Variants in PRR12 observed in about 807,000 individuals in gnomAD.
The protein encoded by PRR12 is proline rich 12.
PRR12 carries 12 observed loss-of-function variants against 138.0 expected under a neutral mutation model. The observed-to-expected ratio is 0.09, with a 90% CI of 0.06 to 0.14. PRR12 has a LOEUF of 0.14. Among genes scored for constraint, PRR12 ranks in the 10% least tolerant of loss-of-function variants. The pLI, the probability that PRR12 is intolerant of heterozygous loss-of-function variation, is 1.00. For synonymous variants in PRR12, 1,567 were observed against 1,291.7 expected (o/e 1.21, Z -4.57); for missense variants, 2,692 against 2,861.3 (o/e 0.94, Z 1.35).
Position 49,597,277 on chromosome 19 carries a change from C to G in PRR12, c.2942C>G (p.Pro981Arg). 2 of 1,564,514 alleles carry G rather than the reference C, an allele frequency of 1.3e-6. No individual in the cohort carries two copies. The highest frequency in any genetic ancestry group is 1.7e-6 in the Non-Finnish European group (2 of 1,156,376). Reference protein sequence around the residue: ...EGDPKAGAGPPPGPPAYDPYG... With the variant: ...EGDPKAGAGPRPGPPAYDPYG... ...GACCCCAAGGCTGGCGCTGGGCCAC[C>G]CCCCGGCCCCCCTGCTTATGATCCC... Residue 981 changes from proline to arginine, a missense_variant, in exon 4 of 14, where the codon CCC becomes CGC. Coordinates refer to ENST00000418929, the MANE Select transcript of PRR12 (RefSeq NM_020719.3). The surrounding 1 kb of genome is among the most constrained non-coding windows in gnomAD (Gnocchi z 6.3).
intron 4 of PRR12, among the ~76,000 whole-genome samples, chr19:49,598,861 T>G (rs943729136): frequency 2.0e-5 from 3 of 152,112 alleles, no homozygotes; most frequent in Non-Finnish European, 4.4e-5. Flanking sequence ...GGCAGGAGGT[T>G]GGAGCTTACG....
In PRR12 at chr19:49,596,716, T is replaced by G; in HGVS notation, c.2381T>G (p.Leu794Arg). 6.2e-7 allele frequency: 1 copy of G among 1,605,582 alleles called. No homozygotes were observed. The highest frequency in any genetic ancestry group is 8.5e-7 in the Non-Finnish European group (1 of 1,178,976). Reference sequence around the variant, plus strand: ...GGGGGCCCTGACCTCCCACTGGTGCTGCCTCCGCCTCCCCCCCAGCTGCTC... The same window carrying G: ...GGGGGCCCTGACCTCCCACTGGTGCGGCCTCCGCCTCCCCCCCAGCTGCTC... ...EAGGPDLPLVLPPPPPQLLPS... is the reference protein window; with the variant it reads ...EAGGPDLPLVRPPPPPQLLPS... Residue 794 changes from leucine to arginine, a missense_variant, in exon 4 of 14, where the codon CTG becomes CGG. Physicochemically the swap from Leu to Arg is moderately radical, Grantham distance 102 (BLOSUM62 -2). Coordinates refer to ENST00000418929, the MANE Select transcript of PRR12 (RefSeq NM_020719.3). This position sits in a 1 kb window ranked among gnomAD's most constrained non-coding sequence, Gnocchi z 5.6.
At chr19:49,624,671 C>T (rs1374247611) in intron 11 of PRR12, among the ~76,000 whole-genome samples, 173 bp from the exon 12 acceptor site, 2 of 151,954 alleles carry the variant, frequency 1.3e-5, no homozygotes, top group Admixed American at 6.6e-5. Flanking sequence ...CCAGAAGGCA[C>T]AGTGGAAGCA....
chr19:49,621,628 T>A lies in PRR12; in HGVS notation c.5721+6T>A. 3.8e-6 allele frequency: 6 copies of A among 1,579,750 alleles called. No homozygotes were observed. The stretch of plus-strand genomic sequence containing the variant: ...CGCTAAGCCCAGCCCTGCAGGTGCC[T>A]GGGGGTCTGGGCAGGGGGTGTCTGG... On this transcript the variant is annotated splice_donor_region_variant and intron_variant, in intron 11 of 13. Transcript: ENST00000418929.
In PRR12 at chr19:49,601,664, C is replaced by T. The variant is rs2122316957; in HGVS notation, c.4519C>T (p.Pro1507Ser). Reference sequence around the variant, plus strand: ...ACCGCCGCTGCCGCCGCCACCTCCACCAGCCATGCCCTCGCCTCCACCACC... The same window carrying T: ...ACCGCCGCTGCCGCCGCCACCTCCATCAGCCATGCCCTCGCCTCCACCACC... ...PPPPLPPPPP[P>S]AMPSPPPPPP... The change falls in exon 6 of 14, where the codon CCA becomes TCA. Residue 1507 changes from proline (P) to serine (S), a missense_variant. This residue lies in a region of PRR12 where 231 missense variants were observed against 200.8 expected (regional missense o/e 1.15). Coordinates refer to ENST00000418929, the MANE Select transcript of PRR12 (RefSeq NM_020719.3). The T allele has an allele frequency of 6.5e-7, 1 of 1,538,246 alleles. No individual in the cohort carries two copies. Among genetic ancestry groups the T allele is most frequent in the Non-Finnish European group, 8.7e-7 (1 of 1,145,704 alleles).
At chr19:49,615,183 A>C (rs975916510) in intron 8 of PRR12, among the ~76,000 whole-genome samples, 174 bp downstream of exon 8, 2 of 140,218 alleles carry the variant, frequency 1.4e-5, no homozygotes, top group African/African-American at 2.7e-5. Context: ...GACCCAGAGA[A>C]GGGGGGATAG....
intron 6 of PRR12, among the ~76,000 whole-genome samples, chr19:49,613,177 A>G (rs1347385152): frequency 2.0e-5 from 3 of 151,640 alleles, no homozygotes; most frequent in African/African-American, 4.8e-5. Flanking sequence ...TTCTCTACTA[A>G]AAATACAAAA....
At chr19:49,623,629 C>T (rs1188536433) in intron 11 of PRR12, among the ~76,000 whole-genome samples, 1 of 139,814 alleles carries the variant, frequency 7.2e-6, no homozygotes, top group Non-Finnish European at 1.5e-5. Context: ...GAGACTTTGT[C>T]TTAAAAAAAA....
In PRR12 at chr19:49,596,644, C is replaced by T. The variant is rs757745814; in HGVS notation, c.2309C>T (p.Thr770Met). ...LQKSPPPPPPTAQSTQPTPHG... is the reference protein window; with the variant it reads ...LQKSPPPPPPMAQSTQPTPHG... Reference sequence around the variant, plus strand: ...AAGAGCCCTCCGCCCCCACCTCCCACGGCCCAGTCTACCCAGCCCACTCCC... The same window carrying T: ...AAGAGCCCTCCGCCCCCACCTCCCATGGCCCAGTCTACCCAGCCCACTCCC... The change falls in exon 4 of 14, where the codon ACG becomes ATG. Residue 770 changes from threonine (T) to methionine (M), a missense_variant. Thr to Met is a moderately conservative substitution (Grantham distance 81). This residue lies in a region of PRR12 where 840 missense variants were observed against 689.8 expected (regional missense o/e 1.22). Transcript: ENST00000418929. The surrounding 1 kb of genome is among the most constrained non-coding windows in gnomAD (Gnocchi z 5.6). The T allele has an allele frequency of 6.0e-5, 96 of 1,597,586 alleles. No homozygotes were observed. In the Admixed American group the frequency reaches 1.2e-3, roughly 19 times the overall value.
At chr19:49,608,797 A>G (rs968611928) in intron 6 of PRR12, among the ~76,000 whole-genome samples, 4 of 151,678 alleles carry the variant, frequency 2.6e-5, no homozygotes, top group Middle Eastern at 3.4e-3. Flanking sequence ...CCATGATTAC[A>G]CCACTGCACT....
chr19:49,596,917 C>A lies in PRR12; in HGVS notation c.2582C>A (p.Pro861His). Residue 861 changes from proline to histidine, a missense_variant, in exon 4 of 14, where the codon CCC (proline) becomes CAC (histidine). By Grantham distance (77) the Pro-to-His change is moderately conservative. Coordinates refer to ENST00000418929, the MANE Select transcript of PRR12 (RefSeq NM_020719.3). The surrounding 1 kb of genome is among the most constrained non-coding windows in gnomAD (Gnocchi z 5.6). ...EAHLRSHGLE[P>H]AAPSPRLRPE... ...CACCTCCGCAGCCATGGCCTGGAGC[C>A]CGCGGCCCCCAGCCCCCGCCTGCGA... 6.4e-7 allele frequency: 1 copy of A among 1,550,826 alleles called. No homozygotes were observed. Among genetic ancestry groups the A allele is most frequent in the Non-Finnish European group, 8.7e-7 (1 of 1,154,922 alleles).
rs2080750745 is a variant in PRR12, at chr19:49,594,495, T to C, written c.241T>C (p.Ser81Pro). The C allele has an allele frequency of 6.2e-7, 1 of 1,612,804 alleles. No individual in the cohort carries two copies. Among genetic ancestry groups the C allele is most frequent in the African/African-American group, 1.3e-5 (1 of 74,774 alleles). Residue 81 changes from serine to proline, a missense_variant, in exon 3 of 14, where the codon TCA becomes CCA. Transcript: ENST00000418929. This position sits in a 1 kb window ranked among gnomAD's most constrained non-coding sequence, Gnocchi z 5.6. Reference protein sequence around the residue: ...LFDTGLHHAGSAGPDASVMNL... With the variant: ...LFDTGLHHAGPAGPDASVMNL... The stretch of plus-strand genomic sequence containing the variant: ...CGACACTGGCCTCCACCACGCGGGC[T>C]CAGCAGGGCCCGACGCCTCCGTCAT...
intron 4 of PRR12, among the ~76,000 whole-genome samples, chr19:49,598,419 G>A (rs2080790324): frequency 6.6e-6 from 1 of 152,060 alleles, no homozygotes; most frequent in South Asian, 2.1e-4. Flanking sequence ...GCCGCACCTT[G>A]GCATTTTTGG....
chr19:49,603,924 G>C (rs1304536256), intron 6 of PRR12, among the ~76,000 whole-genome samples: 1 of 151,870 alleles, frequency 6.6e-6, no homozygotes, highest in Admixed American at 6.6e-5. Context: ...GGGTTCAAGC[G>C]ATTCTCCTGC....
At position 49,595,917 on chromosome 19, in the gene PRR12, A is replaced by G. The variant is rs1289138575; in HGVS notation, c.1582A>G (p.Ser528Gly). 6.2e-7 allele frequency: 1 copy of G among 1,602,394 alleles called. No homozygotes were observed. The highest frequency in any genetic ancestry group is 1.7e-5 in the Admixed American group (1 of 59,966). The change falls in exon 4 of 14, where the codon AGC (serine) becomes GGC (glycine). Residue 528 changes from serine (S) to glycine (G), a missense_variant. Ser to Gly is a moderately conservative substitution (Grantham distance 56). Transcript: ENST00000418929. ...AAHSQGLPTA[S>G]PSLSYSTGHS... ...CCACTCCCAGGGGCTGCCCACAGCCAGCCCCTCGCTCAGCTACAGTACCGG... is the reference window on the plus strand; with the variant it reads ...CCACTCCCAGGGGCTGCCCACAGCCGGCCCCTCGCTCAGCTACAGTACCGG...
intron 11 of PRR12, 45 bp downstream of exon 11, chr19:49,621,667 C>A (rs1306842699): frequency 6.9e-7 from 1 of 1,458,186 alleles, no homozygotes; most frequent in Non-Finnish European, 9.4e-7. Flanking sequence ...CCAGGGTCCA[C>A]ATGGAGAAGA....
At position 49,595,785 on chromosome 19, in the gene PRR12, A is replaced by C. The variant is rs1377401954; in HGVS notation, c.1450A>C (p.Ser484Arg). ...CTCAGGGGGCCCCCCACAGCCCCCCAGCGGCCCCCCTCCTCCTGGCCTGGC... is the reference window on the plus strand; with the variant it reads ...CTCAGGGGGCCCCCCACAGCCCCCCCGCGGCCCCCCTCCTCCTGGCCTGGC... ...SYSGGPPQPPSGPPPPGLATC... is the reference protein window; with the variant it reads ...SYSGGPPQPPRGPPPPGLATC... The change falls in exon 4 of 14, where the codon AGC (serine) becomes CGC (arginine). Residue 484 changes from serine (S) to arginine (R), a missense_variant. This residue lies in a region of PRR12 where 523 missense variants were observed against 496.4 expected (regional missense o/e 1.05). Coordinates refer to ENST00000418929, the MANE Select transcript of PRR12 (RefSeq NM_020719.3). 4 of 1,595,996 alleles carry C rather than the reference A, an allele frequency of 2.5e-6. No homozygotes were observed. The African/African-American group carries it at 4.0e-5, about 16-fold the overall frequency.
In PRR12 at chr19:49,625,889, G is replaced by T. The variant is rs965494491; in HGVS notation, c.*282G>T. On this transcript the variant is annotated 3_prime_UTR_variant, in exon 14 of 14. Transcript: ENST00000418929. This position sits in a 1 kb window ranked among gnomAD's most constrained non-coding sequence, Gnocchi z 5.5. The stretch of plus-strand genomic sequence containing the variant: ...TTAGTAACGGTTTCCCTCTCCCCTT[G>T]CCCCGACCCCCCCTCCACAGCCACA... 8 of 238,950 alleles carry T rather than the reference G, an allele frequency of 3.3e-5. No homozygotes were observed. The highest frequency in any genetic ancestry group is 6.3e-5 in the Non-Finnish European group (8 of 127,202). The allele number at this position is 238,950 out of a possible 1,614,324, so 14.8% of individuals were successfully genotyped here.
At position 49,595,511 on chromosome 19, in the gene PRR12, CA is replaced by C; in HGVS notation, c.1179del (p.Gly394ValfsTer76). 1 of 1,565,100 alleles carries C rather than the reference CA, an allele frequency of 6.4e-7. No individual in the cohort carries two copies. On this transcript the variant is annotated frameshift_variant, in exon 4 of 14. Transcript: ENST00000418929. LOFTEE classifies it high-confidence loss of function. ...IIQSPGYKTG[K>X]GGYGAAAGGA... is the part of the protein sequence containing the mutation. The stretch of plus-strand genomic sequence containing the variant: ...TTCAGTCGCCTGGGTACAAGACGGG[CA>C]AAGGTGGTTATGGAGCAGCTGCCGG...
Sources: allele counts gnomAD v4.1 joint callset (sites outside exome capture counted in the v4.1 genomes callset), GRCh38; gene constraint gnomAD v4.1.1; regional missense constraint gnomAD v4.1.1; non-coding constraint Gnocchi (gnomAD v3.1); transcripts MANE v1.5; gene names NCBI Gene and HGNC (gene_info 2026-07-23, HGNC 2026-07-21).